Variants in ATF7IP observed in about 807,000 individuals in gnomAD.
The protein encoded by ATF7IP is activating transcription factor 7-interacting protein 1.
In ATF7IP, 23 loss-of-function variants were observed where a neutral mutation model predicts 106.4. That is an observed-to-expected ratio of 0.22 (90% CI 0.16 to 0.31). ATF7IP has a LOEUF of 0.31. Among genes scored for constraint, ATF7IP ranks in the 10% least tolerant of loss-of-function variants. The probability of loss-of-function intolerance (pLI) is 1.00; values close to 1 mark genes in which losing one functional copy is unlikely to be tolerated. For missense variants in ATF7IP, 1,334 were observed against 1,524.3 expected, an observed-to-expected ratio of 0.88 and a Z score of 2.08; for synonymous variants, 542 against 539.0, an observed-to-expected ratio of 1.01 and a Z score of -0.08.
At chr12:14,388,041 T>C (rs1939338354) in intron 1 of ATF7IP, among the ~76,000 whole-genome samples, 1 of 150,726 alleles carries the variant, frequency 6.6e-6, no homozygotes, top group Admixed American at 6.6e-5. Context: ...GAGACGGAGT[T>C]TCACTCTTAT....
At chr12:14,376,126 AAGC>A (rs1429715407) in intron 1 of ATF7IP, among the ~76,000 whole-genome samples, 7 of 152,192 alleles carry the variant, frequency 4.6e-5, no homozygotes, top group African/African-American at 1.7e-4. Flanking sequence ...CCTGGTGAAA[AAGC>A]AGCCATTTTC....
At chr12:14,450,266 G>A (rs887066634) in intron 6 of ATF7IP, among the ~76,000 whole-genome samples, 30 of 152,162 alleles carry the variant, frequency 2.0e-4, no homozygotes, top group African/African-American at 7.0e-4. Flanking sequence ...GAAAGCTTTC[G>A]GTTTTTCACC....
intron 13 of ATF7IP, among the ~76,000 whole-genome samples, chr12:14,495,195 C>T (rs1167636634): frequency 1.3e-5 from 2 of 152,146 alleles, no homozygotes; most frequent in Non-Finnish European, 2.9e-5. Flanking sequence ...CTTCCCCAGT[C>T]CACTGACTCA....
intron 10 of ATF7IP, among the ~76,000 whole-genome samples, chr12:14,469,489 T>C (rs952129451): frequency 6.6e-6 from 1 of 151,860 alleles, no homozygotes; most frequent in African/African-American, 2.4e-5. Flanking sequence ...TTATCTGATA[T>C]CCCCAAATAA....
chr12:14,369,896 G>A (rs945399865), intron 1 of ATF7IP, among the ~76,000 whole-genome samples: 3 of 151,270 alleles, frequency 2.0e-5, no homozygotes, highest in African/African-American at 7.3e-5. Flanking sequence ...GGGTTCCACC[G>A]ATCCCTTGAT....
intron 11 of ATF7IP, among the ~76,000 whole-genome samples, chr12:14,477,760 A>G (rs887191668): frequency 8.5e-5 from 13 of 152,080 alleles, no homozygotes; most frequent in African/African-American, 2.9e-4. Context: ...TTGGGTCACA[A>G]TCTTCATAGT....
At chr12:14,475,630 T>A (rs1270474812) in intron 10 of ATF7IP, among the ~76,000 whole-genome samples, 1 of 152,236 alleles carries the variant, frequency 6.6e-6, no homozygotes, top group Non-Finnish European at 1.5e-5. Context: ...TTATTTGCTC[T>A]ATGCAACAGA....
intron 9 of ATF7IP, among the ~76,000 whole-genome samples, chr12:14,464,711 A>G (rs1005757003): frequency 4.6e-5 from 7 of 152,316 alleles, no homozygotes; most frequent in African/African-American, 1.7e-4. Flanking sequence ...AAGGGAAAAA[A>G]TCTGTAATAA....
At position 14,451,925 on chromosome 12, in the gene ATF7IP, A is replaced by T. The variant is rs1199870599; in HGVS notation, c.1996-4636A>T. ...TGTTTCTGTGTTGATATTCTGTCTG[A>T]TGGTTCTATCCATTATTGAAAGTGG... On this transcript the variant is annotated intron_variant, in intron 6 of 14. Coordinates refer to ENST00000261168, the MANE Select transcript of ATF7IP (RefSeq NM_018179.5). Among the ~76,000 whole-genome samples, 7 of 152,164 alleles carry T rather than the reference A, an allele frequency of 4.6e-5. No homozygotes were observed. The East Asian group carries it at 1.3e-3, about 29-fold the overall frequency.
In ATF7IP at chr12:14,466,543, A is replaced by G. The variant is rs751032270; in HGVS notation, c.2815A>G (p.Thr939Ala). 10 of 1,602,220 alleles carry G rather than the reference A, an allele frequency of 6.2e-6. No individual in the cohort carries two copies. Among genetic ancestry groups the G allele is most frequent in the Non-Finnish European group, 8.5e-6 (10 of 1,176,498 alleles). ...TPRIENQTNK[T>A]IDASVSKKAA... ...CTTTTCAGAAAACCAGACAAACAAA[A>G]CAATAGATGCTTCTGTCAGTAAGAA... is the stretch of plus-strand genomic sequence containing the variant. Residue 939 changes from threonine (T) to alanine (A), a missense_variant, in exon 10 of 15, where the codon ACA (threonine) becomes GCA (alanine). Coordinates refer to ENST00000261168, the MANE Select transcript of ATF7IP (RefSeq NM_018179.5).
rs1482583711 is a variant in ATF7IP at position 14,448,572 on chromosome 12, C to T, written c.1995+1519C>T. On this transcript the variant is annotated intron_variant, in intron 6 of 14. Transcript: ENST00000261168. ...TTACATCTGTTGATGGACACTTGGT[C>T]CATTATTATCTTTGGGCTATTTTGA... Among the ~76,000 whole-genome samples, 3 of 152,068 alleles carry T rather than the reference C, an allele frequency of 2.0e-5. 1 individual carries two copies. Among genetic ancestry groups the T allele is most frequent in the South Asian group, 4.2e-4 (2 of 4,814 alleles).
chr12:14,495,633 T>G lies in ATF7IP; in HGVS notation c.3281-598T>G, dbSNP rs377590113. Among the ~76,000 whole-genome samples the G allele has an allele frequency of 4.6e-5, 7 of 152,214 alleles. No homozygotes were observed. In the East Asian group the frequency reaches 1.2e-3, roughly 25 times the overall value. ...TTTCCCTGGTGTATGTCACAGCAGT[T>G]TTCTGTGGGGTGAAGTGAGTATCCT... On this transcript the variant is annotated intron_variant, in intron 13 of 14. Transcript: ENST00000261168.
chr12:14,471,648 C>A (rs562596108), intron 10 of ATF7IP, among the ~76,000 whole-genome samples: 2 of 152,226 alleles, frequency 1.3e-5, no homozygotes, highest in Admixed American at 6.6e-5. Flanking sequence ...ACATGTCCTT[C>A]TTCACATAAG....
At chr12:14,450,527 G>T (rs926618091) in intron 6 of ATF7IP, among the ~76,000 whole-genome samples, 2 of 152,096 alleles carry the variant, frequency 1.3e-5, no homozygotes, top group Non-Finnish European at 2.9e-5. Context: ...TGGTCATGGT[G>T]TATAATCTTT....
chr12:14,422,234 T>A (rs999660963), intron 1 of ATF7IP, among the ~76,000 whole-genome samples: 1 of 151,020 alleles, frequency 6.6e-6, no homozygotes, highest in South Asian at 2.1e-4. Flanking sequence ...CCAAGAAATA[T>A]CAGCCAAGTA....
Position 14,480,989 on chromosome 12 carries a change from C to T in ATF7IP, c.3098-14C>T, listed in dbSNP as rs939306356. The T allele has an allele frequency of 6.2e-7, 1 of 1,609,440 alleles. No homozygotes were observed. Among genetic ancestry groups the T allele is most frequent in the African/African-American group, 1.3e-5 (1 of 74,632 alleles). ...TTTACTGTATTCTTAATATCTTTTT[C>T]TGCCTTGCATTAGCTCCAACTACCG... On this transcript the variant is annotated splice_polypyrimidine_tract_variant and intron_variant, in intron 12 of 14. Coordinates refer to ENST00000261168, the MANE Select transcript of ATF7IP (RefSeq NM_018179.5).
intron 13 of ATF7IP, among the ~76,000 whole-genome samples, chr12:14,490,963 C>A (rs1358924893): frequency 6.6e-6 from 1 of 152,118 alleles, no homozygotes; most frequent in Non-Finnish European, 1.5e-5. Flanking sequence ...CTTTAACAGG[C>A]CAAGAGCTGT....
chr12:14,438,293 A>G (rs1440971669), intron 5 of ATF7IP, 26 bp downstream of exon 5: 11 of 1,558,870 alleles, frequency 7.1e-6, no homozygotes, highest in Non-Finnish European at 8.7e-6. Context: ...TGAGTTGTAT[A>G]CTCCATGTGT....
At chr12:14,434,090 C>G (rs767274973) in intron 2 of ATF7IP, among the ~76,000 whole-genome samples, 1 of 152,108 alleles carries the variant, frequency 6.6e-6, no homozygotes, top group Non-Finnish European at 1.5e-5. Context: ...TTTTAAATTA[C>G]TTAAAATCTA....
Sources: gnomAD v4.1 joint callset for allele counts (sites outside exome capture counted in the v4.1 genomes callset) on GRCh38, gnomAD v4.1.1 for gene constraint, MANE v1.5 for transcripts, NCBI Gene and HGNC (gene_info 2026-07-23, HGNC 2026-07-21) for gene names.